Variants in FAM135B observed in about 807,000 individuals in gnomAD.
The protein encoded by FAM135B is family with sequence similarity 135 member B.
Under a neutral mutation model 127.7 loss-of-function variants are expected in FAM135B, and 43 were observed. The observed-to-expected ratio is 0.34, with a 90% confidence interval of 0.26 to 0.43. The LOEUF (loss-of-function observed/expected upper bound fraction) is 0.43. Among genes scored for constraint, FAM135B ranks in the 20% least tolerant of loss-of-function variants. FAM135B has a pLI of 1.00. For missense variants in FAM135B, 1,558 were observed against 1,725.6 expected (o/e 0.90, Z 1.72); for synonymous variants, 670 against 665.1 (o/e 1.01, Z -0.11).
In FAM135B at chr8:138,256,737, A is replaced by C. The variant is rs149842714; in HGVS notation, c.320T>G (p.Val107Gly). The C allele has an allele frequency of 6.2e-6, 10 of 1,613,924 alleles. No homozygotes were observed. The highest frequency in any genetic ancestry group is 8.5e-6 in the Non-Finnish European group (10 of 1,179,894). ...GERMEDALSE[V>G]DFQLKVDLHF... ...CAGATCCACCTTGAGTTGAAAATCTACTTCACTCAGTGCGTCTTCCATCTG... is the reference window on the plus strand; with the variant it reads ...CAGATCCACCTTGAGTTGAAAATCTCCTTCACTCAGTGCGTCTTCCATCTG... The change falls in exon 5 of 20, where the codon GTA becomes GGA. Residue 107 changes from valine (V) to glycine (G), a missense_variant. Coordinates refer to ENST00000395297, the MANE Select transcript of FAM135B (RefSeq NM_015912.4).
chr8:138,464,273 C>A (rs1200284911), intron 1 of FAM135B, among the ~76,000 whole-genome samples: 2 of 152,146 alleles, frequency 1.3e-5, no homozygotes, highest in Non-Finnish European at 2.9e-5. Context: ...AGGATAGATT[C>A]TTCACTCCCT....
chr8:138,480,351 A>G (rs1814724297), intron 1 of FAM135B, among the ~76,000 whole-genome samples: 1 of 152,120 alleles, frequency 6.6e-6, no homozygotes, highest in Admixed American at 6.5e-5. Context: ...CCAAAACATC[A>G]TTACCTTGAC....
intron 1 of FAM135B, among the ~76,000 whole-genome samples, chr8:138,472,018 T>C (rs1206219559): frequency 6.6e-6 from 1 of 152,086 alleles, no homozygotes; most frequent in Non-Finnish European, 1.5e-5. Flanking sequence ...AAACTGGCAA[T>C]TAGAAGACTG....
intron 3 of FAM135B, among the ~76,000 whole-genome samples, chr8:138,295,682 C>T (rs776198524): frequency 2.6e-5 from 4 of 152,156 alleles, no homozygotes. Flanking sequence ...AGCATCCTAT[C>T]TTCTCGTGTA....
At chr8:138,158,049 T>C (rs555181566) in intron 12 of FAM135B, among the ~76,000 whole-genome samples, 1 of 152,318 alleles carries the variant, frequency 6.6e-6, no homozygotes, top group East Asian at 1.9e-4. Context: ...CTTCAAGCTA[T>C]AGTACAAGGC....
chr8:138,169,303 G>T (rs9694475), intron 11 of FAM135B, among the ~76,000 whole-genome samples: 2 of 148,134 alleles, frequency 1.4e-5, no homozygotes, highest in East Asian at 2.0e-4. Flanking sequence ...CTGAATTCTC[G>T]GAATATTTAA....
chr8:138,485,090 C>T (rs1210706944), intron 1 of FAM135B, among the ~76,000 whole-genome samples: 1 of 152,184 alleles, frequency 6.6e-6, no homozygotes, highest in African/African-American at 2.4e-5. Flanking sequence ...AATATCAAGT[C>T]CTTTAAACAC....
intron 2 of FAM135B, among the ~76,000 whole-genome samples, chr8:138,328,846 A>G: frequency 6.6e-6 from 1 of 152,112 alleles, no homozygotes; most frequent in Non-Finnish European, 1.5e-5. Flanking sequence ...AGACATACAA[A>G]AGTTTGCCAC....
intron 3 of FAM135B, among the ~76,000 whole-genome samples, chr8:138,297,047 A>C (rs1825526142): frequency 6.6e-6 from 1 of 152,238 alleles, no homozygotes; most frequent in Admixed American, 6.5e-5. Flanking sequence ...GATGTGACCC[A>C]GCCAGGCCTG....
chr8:138,145,885 T>C, intron 15 of FAM135B, 74 bp downstream of exon 15: 1 of 785,294 alleles, frequency 1.3e-6, no homozygotes, highest in South Asian at 1.6e-5. Flanking sequence ...CCATAAATTA[T>C]CATGGTGCAT....
chr8:138,218,774 G>C (rs372696862), intron 7 of FAM135B, among the ~76,000 whole-genome samples: 13,118 of 70,430 alleles, frequency 0.19, 687 homozygotes, highest in South Asian at 0.38. Flanking sequence ...CACAGAGAGA[G>C]AGAGAGAGAG....
At chr8:138,169,232 C>G (rs1197102800) in intron 11 of FAM135B, among the ~76,000 whole-genome samples, 1 of 151,650 alleles carries the variant, frequency 6.6e-6, no homozygotes, top group African/African-American at 2.4e-5. Flanking sequence ...CTTAACCCAC[C>G]ACAAGGGAAG....
chr8:138,242,058 C>A lies in FAM135B; in HGVS notation c.669+884G>T, dbSNP rs1005871886. ...TGGTTCTGAGGCCTTTAGCCTTGGACTGGAATGATACCACCTGCACTCTTG... is the reference window on the plus strand; with the variant it reads ...TGGTTCTGAGGCCTTTAGCCTTGGAATGGAATGATACCACCTGCACTCTTG... On this transcript the variant is annotated intron_variant, in intron 7 of 19. Transcript: ENST00000395297. This position sits in a 1 kb window ranked among gnomAD's most constrained non-coding sequence, Gnocchi z 9.6. Among the ~76,000 whole-genome samples the A allele has an allele frequency of 2.0e-5, 3 of 152,026 alleles. No individual in the cohort carries two copies. The highest frequency in any genetic ancestry group is 7.2e-5 in the African/African-American group (3 of 41,400).
At chr8:138,220,297 G>A (rs1818927166) in intron 7 of FAM135B, among the ~76,000 whole-genome samples, 1 of 152,106 alleles carries the variant, frequency 6.6e-6, no homozygotes, top group Admixed American at 6.6e-5. Context: ...TGAGCCCTAG[G>A]CAAGTGTAAT....
At chr8:138,158,018 T>C (rs909179600) in intron 12 of FAM135B, among the ~76,000 whole-genome samples, 2 of 152,178 alleles carry the variant, frequency 1.3e-5, no homozygotes, top group African/African-American at 4.8e-5. Context: ...AGAACAAAGC[T>C]GGAGGCATCA....
intron 3 of FAM135B, among the ~76,000 whole-genome samples, chr8:138,300,292 C>T (rs1310910291): frequency 6.6e-6 from 1 of 151,750 alleles, no homozygotes; most frequent in East Asian, 1.9e-4. Flanking sequence ...CAAGTTAATA[C>T]TCATGGTTAA....
chr8:138,258,935 A>C (rs1822328591), intron 4 of FAM135B, among the ~76,000 whole-genome samples: 1 of 152,196 alleles, frequency 6.6e-6, no homozygotes, highest in Non-Finnish European at 1.5e-5. Flanking sequence ...GCAGTTTTGC[A>C]AACTAGTAGA....
At chr8:138,475,397 G>A (rs964774799) in intron 1 of FAM135B, among the ~76,000 whole-genome samples, 5 of 152,038 alleles carry the variant, frequency 3.3e-5, no homozygotes, top group African/African-American at 9.7e-5. Flanking sequence ...CAACCCAGAC[G>A]TCGCCCAAAG....
chr8:138,214,770 G>C (rs1180205348), intron 7 of FAM135B, among the ~76,000 whole-genome samples: 1 of 152,178 alleles, frequency 6.6e-6, no homozygotes, highest in African/African-American at 2.4e-5. Context: ...CTTAGACTCA[G>C]AGGCATAAAG....
Sources: allele counts gnomAD v4.1 joint callset (sites outside exome capture counted in the v4.1 genomes callset), GRCh38; gene constraint gnomAD v4.1.1; non-coding constraint Gnocchi (gnomAD v3.1); transcripts MANE v1.5; gene names NCBI Gene and HGNC (gene_info 2026-07-23, HGNC 2026-07-21).